TAB2: variants seen among roughly 807,000 people sequenced by gnomAD.
TAB2 encodes TGF-beta-activated kinase 1 and MAP3K7-binding protein 2.
Under a neutral mutation model 65.0 loss-of-function variants are expected in TAB2, and 3 were observed. The observed-to-expected ratio is 0.05, with a 90% CI of 0.02 to 0.12. The LOEUF is 0.12. Among genes scored for constraint, TAB2 ranks in the 10% least tolerant of loss-of-function variants. The pLI, the probability that TAB2 is intolerant of heterozygous loss-of-function variation, is 1.00. For missense variants in TAB2, 623 were observed against 840.3 expected, an observed-to-expected ratio of 0.74 and a Z score of 3.20; for synonymous variants, 298 against 285.1, an observed-to-expected ratio of 1.05 and a Z score of -0.46.
intron 6 of TAB2, among the ~76,000 whole-genome samples, chr6:149,408,822 C>T (rs1435424643): frequency 6.6e-6 from 1 of 152,054 alleles, no homozygotes; most frequent in Non-Finnish European, 1.5e-5. Context: ...GAACATTGGT[C>T]TCTTAGAGTT....
At chr6:149,228,026 A>G (rs1777320680) in intron 1 of TAB2, among the ~76,000 whole-genome samples, 2 of 152,088 alleles carry the variant, frequency 1.3e-5, no homozygotes, top group African/African-American at 2.4e-5. Context: ...ATCAGTACCT[A>G]TTATTGAGTG....
chr6:149,305,632 G>A (rs983862717), intron 1 of TAB2, among the ~76,000 whole-genome samples: 17 of 151,954 alleles, frequency 1.1e-4, no homozygotes, highest in African/African-American at 4.1e-4. Context: ...AAGTTCTTTG[G>A]TGAAATGCTG....
At chr6:149,305,760 C>G (rs1488257121) in intron 1 of TAB2, among the ~76,000 whole-genome samples, 1 of 152,196 alleles carries the variant, frequency 6.6e-6, no homozygotes, top group Non-Finnish European at 1.5e-5. Context: ...GTTTCCTTCA[C>G]ATGTCATTTT....
chr6:149,297,787 C>A (rs930628859), intron 1 of TAB2, among the ~76,000 whole-genome samples: 1 of 152,254 alleles, frequency 6.6e-6, no homozygotes. Flanking sequence ...CCCACCTCAG[C>A]CTCCCAAAGC....
intron 1 of TAB2, among the ~76,000 whole-genome samples, chr6:149,293,194 A>T (rs1474179646): frequency 6.6e-6 from 1 of 152,218 alleles, no homozygotes; most frequent in Non-Finnish European, 1.5e-5. Flanking sequence ...TGAGAGAGAA[A>T]TGTGGGGGGA....
intron 1 of TAB2, among the ~76,000 whole-genome samples, chr6:149,300,924 C>T (rs921537524): frequency 2.6e-5 from 4 of 152,248 alleles, no homozygotes; most frequent in African/African-American, 9.6e-5. Context: ...TTGGATTCAA[C>T]TTGGCAAAAA....
At chr6:149,223,795 C>A (rs1298003834) in intron 1 of TAB2, among the ~76,000 whole-genome samples, 19 of 151,980 alleles carry the variant, frequency 1.3e-4, no homozygotes, top group Admixed American at 1.2e-3. Flanking sequence ...ATATACCATC[C>A]CTAGTTTAAA....
intron 1 of TAB2, among the ~76,000 whole-genome samples, chr6:149,329,711 A>G (rs1042059927): frequency 1.3e-5 from 2 of 152,022 alleles, no homozygotes; most frequent in African/African-American, 4.8e-5. Flanking sequence ...ATGGTATCCA[A>G]CTGTGTATGC....
upstream of TAB2, among the ~76,000 whole-genome samples, chr6:149,316,511 G>A (rs543553809): frequency 2.0e-5 from 3 of 152,194 alleles, no homozygotes; most frequent in Non-Finnish European, 4.4e-5. Flanking sequence ...AACTGCCAGG[G>A]ATATGGACAT....
chr6:149,267,514 G>C (rs1778284984), intron 1 of TAB2, among the ~76,000 whole-genome samples: 1 of 152,088 alleles, frequency 6.6e-6, no homozygotes, highest in Non-Finnish European at 1.5e-5. Context: ...TCTTCCACTT[G>C]AGAGTTAGCT....
intron 1 of TAB2, among the ~76,000 whole-genome samples, chr6:149,270,852 A>T (rs1321309683): frequency 6.6e-6 from 1 of 152,094 alleles, no homozygotes; most frequent in Non-Finnish European, 1.5e-5. Flanking sequence ...CACATAAAAG[A>T]GTGGTGAAGA....
At chr6:149,338,378 G>C (rs1449287171) in intron 1 of TAB2, among the ~76,000 whole-genome samples, 2 of 152,152 alleles carry the variant, frequency 1.3e-5, no homozygotes, top group African/African-American at 4.8e-5. Context: ...ATTGAGGAGA[G>C]TCTTAGAAGT....
chr6:149,342,385 G>A (rs1780157823), intron 1 of TAB2, among the ~76,000 whole-genome samples: 1 of 152,144 alleles, frequency 6.6e-6, no homozygotes, highest in African/African-American at 2.4e-5. Flanking sequence ...GAGTTACTCT[G>A]TGGTCTCCTG....
intron 1 of TAB2, among the ~76,000 whole-genome samples, chr6:149,365,968 A>C (rs1467804617): frequency 6.6e-6 from 1 of 152,074 alleles, no homozygotes; most frequent in Non-Finnish European, 1.5e-5. Context: ...ATATATGTAT[A>C]ATTTCCATTT....
At chr6:149,257,409 G>T (rs1778060172) in intron 1 of TAB2, 1 of 152,090 alleles carries the variant, frequency 6.6e-6, no homozygotes, top group Non-Finnish European at 1.5e-5. Context: ...GCATAAATTT[G>T]TCTGCCAGAT....
At chr6:149,292,690 TAAAG>T (rs1448977761) in intron 1 of TAB2, among the ~76,000 whole-genome samples, 9 of 152,124 alleles carry the variant, frequency 5.9e-5, no homozygotes, top group African/African-American at 2.2e-4. Flanking sequence ...AAAAATGACA[TAAAG>T]AAATCCAGCA....
At chr6:149,284,736 A>T (rs926585811) in intron 1 of TAB2, among the ~76,000 whole-genome samples, 2 of 151,940 alleles carry the variant, frequency 1.3e-5, no homozygotes, top group African/African-American at 4.8e-5. Flanking sequence ...CAGTTGCCTG[A>T]AGGGCATACC....
At chr6:149,241,601 G>A (rs1026809105) in intron 1 of TAB2, among the ~76,000 whole-genome samples, 3 of 152,158 alleles carry the variant, frequency 2.0e-5, no homozygotes, top group Middle Eastern at 3.4e-3. Flanking sequence ...GAAATATGAC[G>A]AAAATGAGAT....
chr6:149,335,214 A>C (rs1779896921), intron 1 of TAB2, among the ~76,000 whole-genome samples: 1 of 151,936 alleles, frequency 6.6e-6, no homozygotes, highest in Non-Finnish European at 1.5e-5. Context: ...AAAGGTGAAG[A>C]TTATTTAGAA....
Sources: allele counts gnomAD v4.1 joint callset (sites outside exome capture counted in the v4.1 genomes callset), GRCh38; gene constraint gnomAD v4.1.1; transcripts MANE v1.5; gene names NCBI Gene and HGNC (gene_info 2026-07-23, HGNC 2026-07-21).